UTRN: variants seen among roughly 807,000 people sequenced by gnomAD.
UTRN encodes the protein dystrophin-related protein 1.
UTRN carries 283 observed loss-of-function variants against 463.9 expected under a neutral mutation model. The observed-to-expected ratio is 0.61, with a 90% CI of 0.55 to 0.67. The LOEUF (loss-of-function observed/expected upper bound fraction) is 0.67. Among genes scored for constraint, UTRN ranks in the 30% least tolerant of loss-of-function variants. The probability of loss-of-function intolerance (pLI) is 0.00; values close to 1 mark genes in which losing one functional copy is unlikely to be tolerated. For missense variants in UTRN, 3,922 were observed against 4,084.3 expected, an observed-to-expected ratio of 0.96 and a Z score of 1.08; for synonymous variants, 1,442 against 1,431.5, an observed-to-expected ratio of 1.01 and a Z score of -0.17.
chr6:144,553,436 C>T (rs1263490451), intron 48 of UTRN, among the ~76,000 whole-genome samples: 12 of 152,148 alleles, frequency 7.9e-5, no homozygotes, highest in East Asian at 1.9e-4. Flanking sequence ...CTTGTAGTTA[C>T]GTTCCTCTTG....
chr6:144,537,532 C>T (rs993747187), intron 43 of UTRN, 50 bp from the exon 44 acceptor site: 26 of 1,401,464 alleles, frequency 1.9e-5, no homozygotes, highest in Non-Finnish European at 2.2e-5. Flanking sequence ...TAAGGTTCTG[C>T]TTAATTGGAC....
intron 9 of UTRN, 47 bp from the exon 10 acceptor site, chr6:144,435,888 C>A: frequency 1.9e-6 from 3 of 1,596,032 alleles, no homozygotes; most frequent in South Asian, 1.1e-5. Context: ...CTGAACACCT[C>A]TTGCTTTGAT....
At chr6:144,783,733 T>C (rs532691241) in intron 61 of UTRN, among the ~76,000 whole-genome samples, 40 of 152,288 alleles carry the variant, frequency 2.6e-4, no homozygotes, top group Admixed American at 2.4e-3. Flanking sequence ...TCCTCCTCTC[T>C]CGATTTTTTT....
At chr6:144,605,470 C>T (rs1804742421) in intron 51 of UTRN, among the ~76,000 whole-genome samples, 1 of 151,650 alleles carries the variant, frequency 6.6e-6, no homozygotes, top group African/African-American at 2.4e-5. Context: ...ACTCCAATTC[C>T]AGGTCTGTTC....
At position 144,852,333 on chromosome 6, in the gene UTRN, T is replaced by G. The variant is rs1177841708; in HGVS notation, c.*1336T>G. 6.6e-6 allele frequency: 1 copy of G among 152,162 alleles called. No homozygotes were observed. Among genetic ancestry groups the G allele is most frequent in the Non-Finnish European group, 1.5e-5 (1 of 68,022 alleles). The allele number at this position is 152,162 out of a possible 1,614,324, so 9.4% of individuals were successfully genotyped here. A position where few individuals can be genotyped will look rare whatever the true frequency, so the allele number is the denominator to read the frequency against. ...TTTAATTGATTCAGTTTAAACATGT[T>G]ACTTAATTAGCAAATGTAGAGGAAC... On this transcript the variant is annotated 3_prime_UTR_variant, in exon 75 of 75. Coordinates refer to ENST00000367545, the MANE Select transcript of UTRN (RefSeq NM_007124.3).
At chr6:144,782,780 A>C (rs1032103954) in intron 61 of UTRN, among the ~76,000 whole-genome samples, 6 of 152,174 alleles carry the variant, frequency 3.9e-5, no homozygotes, top group African/African-American at 1.2e-4. Context: ...CCTTTTGAAT[A>C]CGACAGTACA....
At chr6:144,517,321 C>G in intron 39 of UTRN, among the ~76,000 whole-genome samples, 1 of 151,656 alleles carries the variant, frequency 6.6e-6, no homozygotes, top group Middle Eastern at 3.4e-3. Flanking sequence ...GATTTATATT[C>G]TAGTAAAGAT....
rs575599296 is a variant in UTRN, at chr6:144,703,585, A to G, written c.7809+3342A>G. Among the ~76,000 whole-genome samples, 38 of 152,346 alleles carry G rather than the reference A, an allele frequency of 2.5e-4. 1 individual carries two copies. Among genetic ancestry groups the G allele is most frequent in the African/African-American group, 9.1e-4 (38 of 41,588 alleles). On this transcript the variant is annotated intron_variant, in intron 53 of 74. Transcript: ENST00000367545. ...GAAGAGCCAGAAGGCTAGAAGAACC[A>G]AGAGAGAACAGAGTCCAGGATGCCA...
chr6:144,533,323 G>A, intron 43 of UTRN, 63 bp downstream of exon 43: 1 of 1,569,270 alleles, frequency 6.4e-7, no homozygotes, highest in Non-Finnish European at 8.6e-7. Context: ...AATCTTTTAA[G>A]ATGCAATCTA....
chr6:144,522,269 CA>C, intron 40 of UTRN, 98 bp downstream of exon 40: 1 of 952,802 alleles, frequency 1.0e-6, no homozygotes, highest in East Asian at 3.0e-5. Context: ...ATATCTTTTA[CA>C]ATTTGTGCCA....
intron 73 of UTRN, among the ~76,000 whole-genome samples, chr6:144,842,058 C>T (rs765686978): frequency 2.3e-5 from 3 of 131,494 alleles, no homozygotes; most frequent in East Asian, 2.4e-4. Flanking sequence ...TGCAATGAGC[C>T]GAGATCGTGC....
chr6:144,306,047 T>C (rs1234812896), intron 2 of UTRN, among the ~76,000 whole-genome samples: 1 of 152,190 alleles, frequency 6.6e-6, no homozygotes, highest in East Asian at 1.9e-4. Flanking sequence ...CCCTGACACA[T>C]ACATACCTCA....
chr6:144,730,555 G>A (rs960366486), intron 54 of UTRN, 69 bp downstream of exon 54: 4 of 1,434,674 alleles, frequency 2.8e-6, no homozygotes, highest in Non-Finnish European at 3.7e-6. Context: ...AAATCAAGTA[G>A]GAAATTTCCT....
In UTRN at chr6:144,592,871, G is replaced by A. The variant is rs114986483; in HGVS notation, c.7479+15583G>A. On this transcript the variant is annotated intron_variant, in intron 51 of 74. Transcript: ENST00000367545. ...AAACGGAAACCTAGTCAAGTTGAATGATTTACCTGTGTGGGATCAAATATT... is the reference window on the plus strand; with the variant it reads ...AAACGGAAACCTAGTCAAGTTGAATAATTTACCTGTGTGGGATCAAATATT... 2.6e-3 allele frequency among the ~76,000 whole-genome samples: 399 copies of A among 152,302 alleles called. 2 individuals carry two copies. The highest frequency in any genetic ancestry group is 9.0e-3 in the African/African-American group (373 of 41,566).
intron 50 of UTRN, among the ~76,000 whole-genome samples, chr6:144,568,303 GT>G (rs1800607953): frequency 1.3e-5 from 2 of 151,814 alleles, no homozygotes; most frequent in African/African-American, 2.4e-5. Context: ...GTATCTTTAG[GT>G]TTTTAGTCTG....
At chr6:144,631,755 T>A (rs1306282232) in intron 51 of UTRN, among the ~76,000 whole-genome samples, 1 of 152,192 alleles carries the variant, frequency 6.6e-6, no homozygotes, top group Non-Finnish European at 1.5e-5. Context: ...ATCTTCTATT[T>A]CCTTCTATTA....
intron 14 of UTRN, among the ~76,000 whole-genome samples, chr6:144,446,178 T>G (rs1787676880): frequency 6.6e-6 from 1 of 151,996 alleles, no homozygotes; most frequent in Non-Finnish European, 1.5e-5. Context: ...AAAAATAGAG[T>G]GCTAGTATTT....
chr6:144,754,610 A>T (rs759416280), intron 56 of UTRN, 110 bp from the exon 57 acceptor site: 205 of 1,012,872 alleles, frequency 2.0e-4, no homozygotes, highest in Middle Eastern at 3.0e-4. Context: ...ATAAACAATC[A>T]TATCCTGGGC....
chr6:144,685,849 C>T (rs1358447995), intron 52 of UTRN, among the ~76,000 whole-genome samples: 1 of 151,876 alleles, frequency 6.6e-6, no homozygotes, highest in African/African-American at 2.4e-5. Flanking sequence ...TGTTTTTTTG[C>T]TCTGTTGATT....
Sources: allele counts gnomAD v4.1 joint callset (sites outside exome capture counted in the v4.1 genomes callset), GRCh38; gene constraint gnomAD v4.1.1; transcripts MANE v1.5; gene names NCBI Gene and HGNC (gene_info 2026-07-23, HGNC 2026-07-21).